Variants in CREB5 observed in about 807,000 individuals in gnomAD.
CREB5 encodes the protein cyclic AMP-responsive element-binding protein 5.
CREB5 carries 19 observed loss-of-function variants against 57.1 expected under a neutral mutation model. The ratio of observed to expected loss-of-function variants is 0.33; its 90% CI spans 0.23 to 0.49. The LOEUF (loss-of-function observed/expected upper bound fraction) is 0.49, where lower values mean the gene tolerates loss of function less well. CREB5 is among the 20% of genes least tolerant of loss of function. CREB5 has a pLI of 0.99. For synonymous variants in CREB5, 238 were observed against 238.3 expected (o/e 1.00, Z 0.01); for missense variants, 579 against 671.6 (o/e 0.86, Z 1.52).
chr7:28,323,374 C>T (rs1297450323), intron 1 of CREB5, among the ~76,000 whole-genome samples: 1 of 152,224 alleles, frequency 6.6e-6, no homozygotes, highest in Non-Finnish European at 1.5e-5. Flanking sequence ...TTCTCCTCTT[C>T]CCTTCCTCCG....
At chr7:28,512,095 G>T (rs192163703) in intron 4 of CREB5, among the ~76,000 whole-genome samples, 1 of 152,292 alleles carries the variant, frequency 6.6e-6, no homozygotes, top group Admixed American at 6.5e-5. Context: ...CTGGAAGGAT[G>T]GGATTGCCTG....
intron 7 of CREB5, among the ~76,000 whole-genome samples, chr7:28,737,924 G>A (rs1804121198): frequency 1.3e-5 from 2 of 151,858 alleles, no homozygotes; most frequent in East Asian, 3.9e-4. Flanking sequence ...TTTACAAATA[G>A]TTCAAAATTT....
intron 5 of CREB5, among the ~76,000 whole-genome samples, chr7:28,683,366 G>C (rs1054407112): frequency 6.6e-6 from 1 of 152,182 alleles, no homozygotes; most frequent in Non-Finnish European, 1.5e-5. Context: ...GAAGGGGCAG[G>C]AGGGAATAGT....
At chr7:28,544,257 G>A (rs1444841174) in intron 4 of CREB5, among the ~76,000 whole-genome samples, 1 of 152,068 alleles carries the variant, frequency 6.6e-6, no homozygotes, top group Non-Finnish European at 1.5e-5. Context: ...GCACATGGCC[G>A]GGGCTTTGTA....
At chr7:28,729,525 G>A (rs971668037) in intron 7 of CREB5, among the ~76,000 whole-genome samples, 7 of 152,046 alleles carry the variant, frequency 4.6e-5, no homozygotes, top group Admixed American at 2.6e-4. Flanking sequence ...GTTTGCCTAC[G>A]GTGCCCCTTG....
intron 1 of CREB5, among the ~76,000 whole-genome samples, chr7:28,328,542 T>C (rs1785652980): frequency 6.6e-6 from 1 of 152,200 alleles, no homozygotes. Flanking sequence ...GGATGCCCTG[T>C]CAAAAGGCTT....
At chr7:28,410,392 C>G (rs1787731590), upstream of CREB5, 1 of 456,616 alleles carries the variant, frequency 2.2e-6, no homozygotes, top group African/African-American at 2.0e-5. Context: ...CGGAGTCTCC[C>G]CCTGCGGCAG....
At chr7:28,413,402 A>T (rs548762694) in intron 1 of CREB5, among the ~76,000 whole-genome samples, 1 of 152,298 alleles carries the variant, frequency 6.6e-6, no homozygotes, top group South Asian at 2.1e-4. Context: ...CTATTACTTT[A>T]GTTCTAAAAC....
intron 1 of CREB5, among the ~76,000 whole-genome samples, chr7:28,401,095 T>G (rs2127999686): frequency 6.6e-6 from 1 of 152,304 alleles, no homozygotes; most frequent in Non-Finnish European, 1.5e-5. Context: ...TTTCACTTAA[T>G]CTCAAAGCAG....
rs551493360 is a variant in CREB5, at chr7:28,399,852, C to T, written c.-24-95054C>T. Among the ~76,000 whole-genome samples, 4 of 151,838 alleles carry T rather than the reference C, an allele frequency of 2.6e-5. No individual in the cohort carries two copies. In the East Asian group the frequency reaches 5.8e-4, roughly 22 times the overall value. On this transcript the variant is annotated intron_variant, in intron 1 of 9. Transcript: ENST00000396299. Reference sequence around the variant, plus strand: ...GGTTGATCAATTGAGGTCAGGAGTTCGAGACCAGCCTGACCAACATGGTGA... The same window carrying T: ...GGTTGATCAATTGAGGTCAGGAGTTTGAGACCAGCCTGACCAACATGGTGA...
chr7:28,457,431 G>GT (rs1790149152), intron 1 of CREB5, among the ~76,000 whole-genome samples: 1 of 152,188 alleles, frequency 6.6e-6, no homozygotes, highest in Admixed American at 6.5e-5. Flanking sequence ...AGGGCAGGCA[G>GT]TTGCTGCTCA....
At chr7:28,731,818 G>C (rs1484272996) in intron 7 of CREB5, among the ~76,000 whole-genome samples, 1 of 152,208 alleles carries the variant, frequency 6.6e-6, no homozygotes, top group Non-Finnish European at 1.5e-5. Flanking sequence ...AATTGAAGCT[G>C]ATCATCAAAT....
chr7:28,750,413 G>C (rs763054358), intron 7 of CREB5, among the ~76,000 whole-genome samples: 4 of 152,094 alleles, frequency 2.6e-5, no homozygotes, highest in Non-Finnish European at 5.9e-5. Flanking sequence ...ATATGAAATG[G>C]CATATAGAAT....
chr7:28,767,982 A>G (rs1361982578), intron 7 of CREB5, among the ~76,000 whole-genome samples: 5 of 152,260 alleles, frequency 3.3e-5, no homozygotes, highest in Admixed American at 6.5e-5. Context: ...CAGTCTTTAA[A>G]GTATTTGAAA....
chr7:28,461,115 T>A (rs1201459586), intron 1 of CREB5, among the ~76,000 whole-genome samples: 1 of 117,888 alleles, frequency 8.5e-6, no homozygotes, highest in African/African-American at 2.6e-5. Context: ...CCCAGCTACT[T>A]GGGAGGCTGA....
rs1242934783 is a variant in CREB5 at position 28,820,350 on chromosome 7, G to A, written c.*1071G>A. 6.6e-6 allele frequency: 1 copy of A among 152,352 alleles called. No homozygotes were observed. Among genetic ancestry groups the A allele is most frequent in the Non-Finnish European group, 1.5e-5 (1 of 68,012 alleles). 9.4% of individuals were successfully genotyped at this position (152,352 alleles called of 1,614,324 possible). Reference sequence around the variant, plus strand: ...AATCCATGTACTACATAATAATTCAGAAGGGCTCTATTCACTACACAGATT... The same window carrying A: ...AATCCATGTACTACATAATAATTCAAAAGGGCTCTATTCACTACACAGATT... On this transcript the variant is annotated 3_prime_UTR_variant, in exon 11 of 11. Transcript: ENST00000357727.
chr7:28,771,788 G>A (rs1041640203), intron 7 of CREB5, among the ~76,000 whole-genome samples: 7 of 149,600 alleles, frequency 4.7e-5, no homozygotes, highest in Admixed American at 4.0e-4. Flanking sequence ...ATAGTTCCCC[G>A]TGGGTGGGTG....
At chr7:28,627,139 C>G (rs1798026671) in intron 5 of CREB5, among the ~76,000 whole-genome samples, 1 of 152,220 alleles carries the variant, frequency 6.6e-6, no homozygotes, top group African/African-American at 2.4e-5. Context: ...GATGGTGGTT[C>G]ATATAATCTT....
At chr7:28,686,094 C>A in intron 5 of CREB5, 12 of 1,598,874 alleles carry the variant, frequency 7.5e-6, no homozygotes, top group Non-Finnish European at 1.0e-5. Flanking sequence ...GGATATGACT[C>A]ACTCAAGCTA....
Sources: allele counts gnomAD v4.1 joint callset (sites outside exome capture counted in the v4.1 genomes callset), GRCh38; gene constraint gnomAD v4.1.1; transcripts MANE v1.5; gene names NCBI Gene and HGNC (gene_info 2026-07-23, HGNC 2026-07-21).